Variants in SLC24A2 observed in about 807,000 individuals in gnomAD.
The protein encoded by SLC24A2 is solute carrier family 24 member 2.
A neutral mutation model predicts 62.0 loss-of-function variants in SLC24A2; 36 were observed. The observed-to-expected ratio is 0.58, with a 90% CI of 0.44 to 0.77. The LOEUF is 0.77. Ranked by LOEUF, SLC24A2 falls within the 30% of genes least tolerant of loss-of-function variation. SLC24A2 has a pLI of 0.00. For missense variants in SLC24A2, 846 were observed against 817.9 expected (o/e 1.03, Z -0.42); for synonymous variants, 358 against 294.0 (o/e 1.22, Z -2.23).
At chr9:20,001,808 C>G in the SLC24A2 span, among the ~76,000 whole-genome samples, 1 of 152,176 alleles carries the variant, frequency 6.6e-6, no homozygotes. Context: ...CTTCACAAAG[C>G]AACACCTACT....
the SLC24A2 span, among the ~76,000 whole-genome samples, chr9:20,101,726 A>C: frequency 1.3e-5 from 2 of 152,124 alleles, no homozygotes; most frequent in Non-Finnish European, 2.9e-5. Flanking sequence ...AATGGTATCA[A>C]CTCAGGTCTG....
At chr9:20,189,286 C>T in the SLC24A2 span, among the ~76,000 whole-genome samples, 2 of 152,034 alleles carry the variant, frequency 1.3e-5, no homozygotes, top group Non-Finnish European at 2.9e-5. Flanking sequence ...TCTTAAGAGC[C>T]AGAGTTTCCA....
At chr9:20,131,168 A>C in the SLC24A2 span, among the ~76,000 whole-genome samples, 1 of 152,104 alleles carries the variant, frequency 6.6e-6, no homozygotes, top group Non-Finnish European at 1.5e-5. Context: ...CGCCCTGTGC[A>C]CACAAGGAGA....
intron 2 of SLC24A2, among the ~76,000 whole-genome samples, chr9:19,625,210 A>C (rs1885222): frequency 0.75 from 114,319 of 152,048 alleles, 43,073 homozygotes; most frequent in East Asian, 0.88. Context: ...TTAAACACAC[A>C]AAAATACCAC....
chr9:20,248,446 T>C, the SLC24A2 span, among the ~76,000 whole-genome samples: 1 of 152,130 alleles, frequency 6.6e-6, no homozygotes, highest in East Asian at 1.9e-4. Flanking sequence ...CGCCAACAGA[T>C]CTAGTTTATG....
the SLC24A2 span, among the ~76,000 whole-genome samples, chr9:19,835,494 G>A: frequency 1.3e-5 from 2 of 152,128 alleles, no homozygotes; most frequent in Non-Finnish European, 2.9e-5. Flanking sequence ...ATTACATAAT[G>A]GTAAAGGGAT....
At chr9:20,185,884 C>G in the SLC24A2 span, among the ~76,000 whole-genome samples, 11 of 152,270 alleles carry the variant, frequency 7.2e-5, no homozygotes, top group African/African-American at 2.4e-4. Flanking sequence ...CCCCCACACT[C>G]AGGCATTTAT....
At chr9:19,928,424 C>G in the SLC24A2 span, 1 of 152,358 alleles carries the variant, frequency 6.6e-6, no homozygotes, top group East Asian at 1.9e-4. Flanking sequence ...TGGAGGCAGG[C>G]AGACCTGGGA....
chr9:19,654,103 G>A (rs1818875697), intron 2 of SLC24A2, among the ~76,000 whole-genome samples: 2 of 152,192 alleles, frequency 1.3e-5, no homozygotes, highest in South Asian at 4.2e-4. Flanking sequence ...ATGACCCCAA[G>A]CAACCATTGA....
intron 7 of SLC24A2, among the ~76,000 whole-genome samples, chr9:19,563,837 C>CTTT (rs1835536258): frequency 1.5e-4 from 12 of 78,660 alleles, no homozygotes; most frequent in Admixed American, 1.3e-3. Context: ...TCCCTCCCTC[C>CTTT]CTCCCTCCCT....
chr9:19,790,833 A>C (rs968254337), upstream of SLC24A2, among the ~76,000 whole-genome samples: 18 of 152,150 alleles, frequency 1.2e-4, no homozygotes, highest in African/African-American at 3.9e-4. Context: ...CTCTGGCTAC[A>C]TGGGGTGCGG....
At chr9:19,829,775 G>GTA in the SLC24A2 span, among the ~76,000 whole-genome samples, 4 of 20,816 alleles carry the variant, frequency 1.9e-4, no homozygotes, top group African/African-American at 3.6e-4. Flanking sequence ...ATGTGTGTGT[G>GTA]TGTGTGTGTG....
At chr9:19,717,108 G>A (rs764160391) in intron 2 of SLC24A2, among the ~76,000 whole-genome samples, 2 of 152,108 alleles carry the variant, frequency 1.3e-5, no homozygotes, top group East Asian at 3.9e-4. Flanking sequence ...AGTTCTTCCC[G>A]ACATATGAGG....
chr9:19,978,655 C>G, the SLC24A2 span, among the ~76,000 whole-genome samples: 3 of 151,862 alleles, frequency 2.0e-5, no homozygotes, highest in African/African-American at 7.3e-5. Context: ...ACTTTCTTTA[C>G]ACAAACAAAA....
intron 4 of SLC24A2, among the ~76,000 whole-genome samples, chr9:19,609,090 T>C (rs1837072461): frequency 6.6e-6 from 1 of 152,236 alleles, no homozygotes; most frequent in Admixed American, 6.5e-5. Flanking sequence ...TTCCTGAGGG[T>C]CTGGCAAGCC....
the SLC24A2 span, among the ~76,000 whole-genome samples, chr9:19,840,318 C>T: frequency 6.6e-6 from 1 of 152,120 alleles, no homozygotes; most frequent in African/African-American, 2.4e-5. Flanking sequence ...TAAACCAGTA[C>T]CCAGGCTTGA....
chr9:19,569,764 G>A (rs1178665585), intron 7 of SLC24A2, among the ~76,000 whole-genome samples: 1 of 152,104 alleles, frequency 6.6e-6, no homozygotes, highest in African/African-American at 2.4e-5. Context: ...TACCAGCTCT[G>A]CTTGGCCCTC....
At chr9:19,747,379 A>G (rs1821862782) in intron 2 of SLC24A2, among the ~76,000 whole-genome samples, 1 of 152,164 alleles carries the variant, frequency 6.6e-6, no homozygotes, top group African/African-American at 2.4e-5. Context: ...TAAAATACAC[A>G]CACAATTTGC....
At chr9:19,991,720 G>T in the SLC24A2 span, among the ~76,000 whole-genome samples, 6 of 152,182 alleles carry the variant, frequency 3.9e-5, no homozygotes, top group East Asian at 1.2e-3. Context: ...TATGGGCAAT[G>T]GGGAGACAGG....
Sources: gnomAD v4.1 joint callset for allele counts (sites outside exome capture counted in the v4.1 genomes callset) on GRCh38, gnomAD v4.1.1 for gene constraint, MANE v1.5 for transcripts, NCBI Gene and HGNC (gene_info 2026-07-23, HGNC 2026-07-21) for gene names.